The following RCBTB2 variants were observed in gnomAD, a reference collection of about 807,000 sequenced individuals.
RCBTB2 encodes the protein RCC1 and BTB domain containing protein 2.
A neutral mutation model predicts 65.4 loss-of-function variants in RCBTB2; 55 were observed. The observed-to-expected ratio is 0.84, with a 90% CI of 0.68 to 1.05. RCBTB2 has a LOEUF of 1.05. Among genes scored for constraint, RCBTB2 ranks in the 50% least tolerant of loss-of-function variants. The pLI, the probability that RCBTB2 is intolerant of heterozygous loss-of-function variation, is 0.00. For missense variants in RCBTB2, 599 were observed against 680.1 expected (o/e 0.88, Z 1.33); for synonymous variants, 220 against 255.2 (o/e 0.86, Z 1.31).
upstream of RCBTB2, among the ~76,000 whole-genome samples, chr13:48,534,337 T>A (rs887111418): frequency 3.9e-5 from 6 of 152,168 alleles, no homozygotes; most frequent in Admixed American, 6.5e-5. Flanking sequence ...ATTTTTTTTT[T>A]AAGCACCTAT....
intron 12 of RCBTB2, 24 bp downstream of exon 12, chr13:48,501,718 A>C: frequency 6.3e-7 from 1 of 1,593,086 alleles, no homozygotes; most frequent in Non-Finnish European, 8.6e-7. Flanking sequence ...ACTTTTCTCA[A>C]TTCTCAAATA....
At chr13:48,511,371 AT>A (rs1174064942) in intron 9 of RCBTB2, among the ~76,000 whole-genome samples, 18 of 152,258 alleles carry the variant, frequency 1.2e-4, no homozygotes, top group African/African-American at 3.9e-4. Flanking sequence ...TGATTAGTAA[AT>A]TCTGTTACAC....
rs376370151 is a variant in RCBTB2, at chr13:48,496,248, G to A, written c.1458C>T (p.Gly486=). Residue 486 remains glycine (G), a synonymous_variant, in exon 14 of 15, where the codon GGC becomes GGT. Coordinates refer to ENST00000344532, the MANE Select transcript of RCBTB2 (RefSeq NM_001268.4). Reference sequence around the variant, plus strand: ...GAGCGATGGCATTCTCCTCGCAGATGCCTTGCTTGATAGTTTGTTGGCAGA... The same window carrying A: ...GAGCGATGGCATTCTCCTCGCAGATACCTTGCTTGATAGTTTGTTGGCAGA... ...KKLCQQTIKQ[G]ICEENAIALL... is the part of the protein sequence containing the mutation. 4 of 1,594,414 alleles carry A rather than the reference G, an allele frequency of 2.5e-6. No individual in the cohort carries two copies. Among genetic ancestry groups the A allele is most frequent in the Non-Finnish European group, 3.4e-6 (4 of 1,170,152 alleles).
intron 9 of RCBTB2, among the ~76,000 whole-genome samples, chr13:48,511,053 A>AT (rs1034631115): frequency 3.3e-5 from 5 of 152,314 alleles, no homozygotes; most frequent in African/African-American, 1.2e-4. Flanking sequence ...AGACACTTGT[A>AT]TTTTTTAAAT....
intron 1 of RCBTB2, chr13:48,532,523 T>C (rs1016402424): frequency 1.1e-4 from 19 of 168,214 alleles, no homozygotes; most frequent in Admixed American, 9.6e-4. Flanking sequence ...GCGAGTGGGT[T>C]AGGAGGGAGA....
In RCBTB2 at chr13:48,489,744, T is replaced by G. The variant is rs9332078; in HGVS notation, c.*367A>C. On this transcript the variant is annotated 3_prime_UTR_variant, in exon 15 of 15. Coordinates refer to ENST00000344532, the MANE Select transcript of RCBTB2 (RefSeq NM_001268.4). Reference sequence around the variant, plus strand: ...AAAATGTGGTAAGGACAGACAGCACTCCTTGTCAAGCTATCTATGTGGTAT... The same window carrying G: ...AAAATGTGGTAAGGACAGACAGCACGCCTTGTCAAGCTATCTATGTGGTAT... The G allele has an allele frequency of 5.0e-3, 1,300 of 261,414 alleles. 15 individuals carry two copies. Among genetic ancestry groups the G allele is most frequent in the African/African-American group, 0.028 (1,228 of 43,702 alleles). The allele number at this position is 261,414 out of a possible 1,614,324, so 16.2% of individuals were successfully genotyped here.
rs1566254848 is a variant in RCBTB2, at chr13:48,493,321, T to TCACC, written c.1515+2869_1515+2870insGGTG. On this transcript the variant is annotated intron_variant, in intron 14 of 14. Transcript: ENST00000344532. The stretch of plus-strand genomic sequence containing the variant: ...CACACACACACACACACACACTCTC[T>TCACC]CTCTCTCTCTCTCTCTCTCTTCTCT... 4.5e-3 allele frequency among the ~76,000 whole-genome samples: 522 copies of TCACC among 116,606 alleles called. 3 individuals are homozygous for TCACC. Among genetic ancestry groups the TCACC allele is most frequent in the Non-Finnish European group, 5.6e-3 (346 of 61,798 alleles). The allele number at this position is 116,606 out of a possible 152,430, so 76.5% of individuals were successfully genotyped here.
chr13:48,496,063 G>T, intron 14 of RCBTB2, 128 bp downstream of exon 14: 1 of 870,014 alleles, frequency 1.1e-6, no homozygotes, highest in Non-Finnish European at 1.5e-6. Context: ...TAGTACTCTT[G>T]TTACTTCATT....
At chr13:48,505,803 C>T (rs1290624471) in intron 10 of RCBTB2, among the ~76,000 whole-genome samples, 1 of 152,116 alleles carries the variant, frequency 6.6e-6, no homozygotes, top group Non-Finnish European at 1.5e-5. Context: ...GGCAGCAATC[C>T]TCTCACGGTT....
chr13:48,505,357 T>G (rs1950448356), intron 10 of RCBTB2, among the ~76,000 whole-genome samples: 1 of 152,240 alleles, frequency 6.6e-6, no homozygotes, highest in South Asian at 2.1e-4. Flanking sequence ...AGACCATGTA[T>G]TTCTAGTGAT....
chr13:48,501,904 A>G (rs779847325), intron 11 of RCBTB2, 36 bp from the exon 12 acceptor site: 1 of 1,605,066 alleles, frequency 6.2e-7, no homozygotes, highest in East Asian at 2.2e-5. Context: ...AGAGTTAGCT[A>G]CAGACATAAT....
At chr13:48,497,108 A>G (rs963123529) in intron 13 of RCBTB2, among the ~76,000 whole-genome samples, 1 of 152,138 alleles carries the variant, frequency 6.6e-6, no homozygotes, top group Non-Finnish European at 1.5e-5. Context: ...CTTACTCGAC[A>G]TTTACACAGA....
rs764395692 is a variant in RCBTB2, at chr13:48,515,674, C to G, written c.110G>C (p.Cys37Ser). 1.9e-6 allele frequency: 3 copies of G among 1,613,730 alleles called. No individual in the cohort carries two copies. Among genetic ancestry groups the G allele is most frequent in the African/African-American group, 1.3e-5 (1 of 74,844 alleles). ...AATTAACTGTAGTTCTTCTTCAGAA[C>G]AAAGGGAAAAAATTGGCCACTTTCC... ...DVGKWPIFSL[C>S]SEEELQLIRQ... Residue 37 changes from cysteine to serine, a missense_variant, in exon 5 of 15, where the codon TGT becomes TCT. Coordinates refer to ENST00000344532, the MANE Select transcript of RCBTB2 (RefSeq NM_001268.4).
intron 12 of RCBTB2, among the ~76,000 whole-genome samples, chr13:48,500,430 C>CAT (rs1950184128): frequency 6.6e-6 from 1 of 152,046 alleles, no homozygotes; most frequent in Non-Finnish European, 1.5e-5. Context: ...TGGTGGTGTG[C>CAT]GCCTGTAATC....
chr13:48,533,454 T>A (rs1428670536), upstream of RCBTB2, among the ~76,000 whole-genome samples: 1 of 152,192 alleles, frequency 6.6e-6, no homozygotes, highest in Non-Finnish European at 1.5e-5. Context: ...AGCAACCTTT[T>A]CCACAGCCCC....
intron 1 of RCBTB2, among the ~76,000 whole-genome samples, chr13:48,527,334 T>TGATATATATATATATATATATC (rs1566336684): frequency 7.7e-6 from 1 of 130,222 alleles, no homozygotes; most frequent in Non-Finnish European, 1.5e-5. Context: ...TATATATATA[T>TGATATATATATATATATATATC]ATGATATATA....
chr13:48,517,782 G>A (rs992011506), intron 4 of RCBTB2, among the ~76,000 whole-genome samples: 4 of 152,220 alleles, frequency 2.6e-5, no homozygotes, highest in Non-Finnish European at 5.9e-5. Flanking sequence ...GAGAGGAGCT[G>A]CAGTGGGTTG....
Position 48,512,872 on chromosome 13 carries a change from G to T in RCBTB2, c.373C>A (p.His125Asn). The change falls in exon 7 of 15, where the codon CAT (histidine) becomes AAT (asparagine). Residue 125 changes from histidine (H) to asparagine (N), a missense_variant. By Grantham distance (68) the His-to-Asn change is moderately conservative. Transcript: ENST00000344532. ...TTEGEVFTWG[H>N]NAYSQLGNGT... ...TTGCCCAGCTGGCTATAAGCATTAT[G>T]ACCCCAGGTAAAGACTTCTCCTTCT... 1 of 1,612,572 alleles carries T rather than the reference G, an allele frequency of 6.2e-7. No individual in the cohort carries two copies. Among genetic ancestry groups the T allele is most frequent in the South Asian group, 1.1e-5 (1 of 90,862 alleles).
rs766581009 is a variant in RCBTB2, at chr13:48,533,066, G to C, written c.-257C>G. ...GGAGCCTTGTCCGCTCCGCCTCCTGGGTAGCGGTTACTGCACGGTCAGGGG... is the reference window on the plus strand; with the variant it reads ...GGAGCCTTGTCCGCTCCGCCTCCTGCGTAGCGGTTACTGCACGGTCAGGGG... On this transcript the variant is annotated 5_prime_UTR_variant, in exon 1 of 15. Transcript: ENST00000344532. 2.4e-5 allele frequency: 11 copies of C among 454,456 alleles called. No homozygotes were observed. Among genetic ancestry groups the C allele is most frequent in the East Asian group, 7.1e-5 (1 of 14,120 alleles). 28.2% of individuals were successfully genotyped at this position (454,456 alleles called of 1,614,324 possible).
Sources: gnomAD v4.1 joint callset for allele counts (sites outside exome capture counted in the v4.1 genomes callset) on GRCh38, gnomAD v4.1.1 for gene constraint, MANE v1.5 for transcripts, NCBI Gene and HGNC (gene_info 2026-07-23, HGNC 2026-07-21) for gene names.